AOPEP: variants seen among roughly 807,000 people sequenced by gnomAD.
The protein encoded by AOPEP is aminopeptidase O.
AOPEP carries 77 observed loss-of-function variants against 98.1 expected under a neutral mutation model. That is an observed-to-expected ratio of 0.78 (90% confidence interval 0.65 to 0.95). The LOEUF (loss-of-function observed/expected upper bound fraction) is 0.95. AOPEP is among the 40% of genes least tolerant of loss of function. AOPEP has a pLI of 0.00. For missense variants in AOPEP, 1,024 were observed against 1,024.7 expected (o/e 1.00, Z 0.01); for synonymous variants, 346 against 365.3 (o/e 0.95, Z 0.60).
chr9:94,806,989 G>C (rs1241095992), intron 5 of AOPEP, among the ~76,000 whole-genome samples: 3 of 152,212 alleles, frequency 2.0e-5, no homozygotes, highest in Admixed American at 2.0e-4. Flanking sequence ...CAAGGCTGAT[G>C]TGTAACTGTT....
At chr9:94,975,236 CTAATAA>C (rs151054028) in intron 10 of AOPEP, among the ~76,000 whole-genome samples, 4 of 151,162 alleles carry the variant, frequency 2.6e-5, no homozygotes, top group East Asian at 1.9e-4. Flanking sequence ...GACTCTGTCT[CTAATAA>C]TAATAATAAT....
intron 16 of AOPEP, among the ~76,000 whole-genome samples, chr9:95,084,023 T>C (rs946581390): frequency 2.6e-5 from 4 of 152,218 alleles, no homozygotes; most frequent in Non-Finnish European, 5.9e-5. Flanking sequence ...AGATTTTTTT[T>C]CTCTAACAAT....
chr9:94,772,652 A>C (rs1208170099), intron 2 of AOPEP, among the ~76,000 whole-genome samples: 1 of 152,222 alleles, frequency 6.6e-6, no homozygotes, highest in African/African-American at 2.4e-5. Context: ...ATTTGTAAGA[A>C]TGTCTCTAAA....
At chr9:95,089,469 C>G (rs2070836344), downstream of AOPEP, among the ~76,000 whole-genome samples, 1 of 152,242 alleles carries the variant, frequency 6.6e-6, no homozygotes, top group Admixed American at 6.5e-5. Flanking sequence ...ACTGTGGATT[C>G]ATCTGCCAAG....
intron 14 of AOPEP, among the ~76,000 whole-genome samples, chr9:95,079,770 T>C (rs2134208099): frequency 6.6e-6 from 1 of 152,334 alleles, no homozygotes; most frequent in East Asian, 1.9e-4. Context: ...GAACGTTTAA[T>C]AAAGTGTATC....
chr9:95,107,599 C>T, the AOPEP span: 1 of 438,396 alleles, frequency 2.3e-6, no homozygotes, highest in Non-Finnish European at 4.2e-6. Context: ...ACAAAAGGCT[C>T]CTTGAAGACT....
chr9:94,825,460 C>T (rs1192087535), intron 5 of AOPEP, among the ~76,000 whole-genome samples: 2 of 152,240 alleles, frequency 1.3e-5, no homozygotes, highest in Admixed American at 6.5e-5. Context: ...AGGAAACATA[C>T]ATCTTTATTT....
At chr9:95,110,318 C>T in the AOPEP span, 1 of 1,015,860 alleles carries the variant, frequency 9.8e-7, no homozygotes, top group Non-Finnish European at 1.2e-6. Flanking sequence ...CACATATCTA[C>T]CAACTTAGCT....
chr9:94,756,344 G>A (rs577386995), intron 1 of AOPEP, among the ~76,000 whole-genome samples: 3 of 151,926 alleles, frequency 2.0e-5, no homozygotes, highest in South Asian at 2.1e-4. Context: ...TGGGCAGATC[G>A]CCTGAGCTGA....
chr9:95,110,391 C>T, the AOPEP span: 2 of 1,024,088 alleles, frequency 2.0e-6, no homozygotes, highest in South Asian at 4.6e-5. Flanking sequence ...CCCCGTACAT[C>T]TTATTACTGT....
chr9:94,735,148 G>A (rs1455332906), intron 1 of AOPEP, among the ~76,000 whole-genome samples: 1 of 152,206 alleles, frequency 6.6e-6, no homozygotes, highest in African/African-American at 2.4e-5. Flanking sequence ...AGAAACACTA[G>A]ATACATAAAA....
At chr9:95,098,869 C>CGGAGGA in the AOPEP span, among the ~76,000 whole-genome samples, 2 of 152,320 alleles carry the variant, frequency 1.3e-5, no homozygotes, top group Admixed American at 6.5e-5. Flanking sequence ...CCTGCTTCCT[C>CGGAGGA]CTTGGTGACA....
intron 5 of AOPEP, among the ~76,000 whole-genome samples, chr9:94,901,984 A>G (rs141587816): frequency 2.0e-5 from 3 of 152,290 alleles, no homozygotes; most frequent in Non-Finnish European, 4.4e-5. Flanking sequence ...GGATCTTGTT[A>G]AAATGCAGAT....
At chr9:95,062,737 G>A (rs530143392) in intron 14 of AOPEP, among the ~76,000 whole-genome samples, 2 of 152,354 alleles carry the variant, frequency 1.3e-5, no homozygotes, top group African/African-American at 4.8e-5. Flanking sequence ...TGCTGCGGCT[G>A]CTTGCCAAGG....
intron 1 of AOPEP, among the ~76,000 whole-genome samples, chr9:94,751,037 G>A (rs982840520): frequency 6.6e-6 from 1 of 152,002 alleles, no homozygotes; most frequent in Non-Finnish European, 1.5e-5. Flanking sequence ...GTGAGCCACC[G>A]CACCTGGCCA....
At chr9:94,891,605 C>T (rs72748561) in intron 5 of AOPEP, among the ~76,000 whole-genome samples, 4,398 of 151,996 alleles carry the variant, frequency 0.029, 172 homozygotes, top group African/African-American at 0.084. Flanking sequence ...GACATTTTAC[C>T]CCTTAAAGGG....
chr9:94,778,200 G>C (rs1842574355), intron 3 of AOPEP, among the ~76,000 whole-genome samples: 1 of 152,152 alleles, frequency 6.6e-6, no homozygotes, highest in South Asian at 2.1e-4. Flanking sequence ...GCTGGTGAGA[G>C]TATGAAAGAA....
chr9:94,904,749 A>T (rs1475467623), intron 5 of AOPEP: 2 of 152,220 alleles, frequency 1.3e-5, no homozygotes, highest in Non-Finnish European at 2.9e-5. Context: ...AATTTCTAGT[A>T]GTTTGGAAGG....
intron 16 of AOPEP, chr9:95,086,205 G>T: frequency 7.8e-7 from 1 of 1,288,024 alleles, no homozygotes. Context: ...CGGCCCGGCG[G>T]CAGCACGGTG....
Sources: gnomAD v4.1 joint callset for allele counts (sites outside exome capture counted in the v4.1 genomes callset) on GRCh38, gnomAD v4.1.1 for gene constraint, MANE v1.5 for transcripts, NCBI Gene and HGNC (gene_info 2026-07-23, HGNC 2026-07-21) for gene names.